Variants in KIAA0586 observed in about 807,000 individuals in gnomAD.
KIAA0586 encodes protein TALPID3.
A neutral mutation model predicts 169.8 loss-of-function variants in KIAA0586; 144 were observed. The ratio of observed to expected loss-of-function variants is 0.85; its 90% CI spans 0.74 to 0.97. KIAA0586 has a LOEUF of 0.97. Ranked by LOEUF, KIAA0586 falls within the 50% of genes least tolerant of loss-of-function variation. KIAA0586 has a pLI of 0.00. For missense variants in KIAA0586, 1,854 were observed against 1,823.0 expected, an observed-to-expected ratio of 1.02 and a Z score of -0.31; for synonymous variants, 625 against 612.4, an observed-to-expected ratio of 1.02 and a Z score of -0.30.
At chr14:58,555,120 T>TTTTTG (rs2047235329), downstream of KIAA0586, among the ~76,000 whole-genome samples, 2 of 139,422 alleles carry the variant, frequency 1.4e-5, no homozygotes, top group Admixed American at 7.1e-5. Flanking sequence ...TTTTTTTTTT[T>TTTTTG]GAGACAGTCT....
chr14:58,483,114 G>A (rs771484201), intron 21 of KIAA0586, among the ~76,000 whole-genome samples: 12 of 151,990 alleles, frequency 7.9e-5, no homozygotes, highest in Admixed American at 3.3e-4. Context: ...TTGCATACTC[G>A]ACTCTCACAG....
Position 58,484,574 on chromosome 14 carries a change from C to G in KIAA0586, c.3144+1862C>G, listed in dbSNP as rs374769881. Among the ~76,000 whole-genome samples, 4 of 151,652 alleles carry G rather than the reference C, an allele frequency of 2.6e-5. 1 individual carries two copies. On this transcript the variant is annotated intron_variant, in intron 21 of 30. Transcript: ENST00000652326. The stretch of plus-strand genomic sequence containing the variant: ...TCATTTTTATTATCCATTACCAATA[C>G]TAGAAGAATACCTTCAGATCCTTTC...
intron 27 of KIAA0586, among the ~76,000 whole-genome samples, chr14:58,502,051 A>G (rs928997201): frequency 1.3e-5 from 2 of 152,212 alleles, no homozygotes; most frequent in African/African-American, 4.8e-5. Flanking sequence ...CACCATGTTA[A>G]CCAGTCCATA....
rs2040283109 is a variant in KIAA0586 at position 58,461,084 on chromosome 14, A to G, written c.1983A>G (p.Lys661=). 3 of 1,612,276 alleles carry G rather than the reference A, an allele frequency of 1.9e-6. No individual in the cohort carries two copies. Among genetic ancestry groups the G allele is most frequent in the South Asian group, 1.1e-5 (1 of 90,772 alleles). The stretch of plus-strand genomic sequence containing the variant: ...AGGGCCATCGAAGCACTCTTAAAAA[A>G]GGACCATATCTCAGATTTAATTCTC... ...VYQGHRSTLK[K]GPYLRFNSPS... The change falls in exon 14 of 31, where the codon AAA becomes AAG. Residue 661 remains lysine (K), a synonymous_variant. Coordinates refer to ENST00000652326, the MANE Select transcript of KIAA0586 (RefSeq NM_001329943.3).
At chr14:58,511,405 A>T (rs1595438514) in intron 28 of KIAA0586, among the ~76,000 whole-genome samples, 1 of 152,302 alleles carries the variant, frequency 6.6e-6, no homozygotes, top group East Asian at 1.9e-4. Context: ...CCATTTCATG[A>T]ATGAGGAAAT....
At chr14:58,528,756 A>G (rs1271669280) in intron 29 of KIAA0586, among the ~76,000 whole-genome samples, 1 of 152,260 alleles carries the variant, frequency 6.6e-6, no homozygotes, top group Non-Finnish European at 1.5e-5. Flanking sequence ...AAAGCAGGAA[A>G]GATCTAAAAT....
chr14:58,445,152 T>C (rs985390585), intron 6 of KIAA0586, among the ~76,000 whole-genome samples: 5 of 150,978 alleles, frequency 3.3e-5, no homozygotes, highest in South Asian at 2.1e-4. Context: ...CACACACATA[T>C]ACACATACAC....
downstream of KIAA0586, among the ~76,000 whole-genome samples, chr14:58,553,099 C>T (rs186652755): frequency 4.9e-4 from 75 of 152,198 alleles, no homozygotes; most frequent in East Asian, 8.7e-3. Flanking sequence ...CACGGACACT[C>T]GAGGTAATTT....
rs1376152168 is a variant in KIAA0586 at position 58,487,147 on chromosome 14, A to G, written c.3285A>G (p.Lys1095=). The G allele has an allele frequency of 1.9e-6, 3 of 1,611,200 alleles. No individual in the cohort carries two copies. The South Asian group carries it at 3.3e-5, about 18-fold the overall frequency. ...ATCATGATATGGCTTTTCCTGTGAA[A>G]GAAATATGTGCTGAAAAAGGTAGAA... ...DSDHDMAFPV[K]EICAEKGDDM... is the part of the protein sequence containing the mutation. The change falls in exon 22 of 31, where the codon AAA becomes AAG. Residue 1095 remains lysine, a synonymous_variant. Coordinates refer to ENST00000652326, the MANE Select transcript of KIAA0586 (RefSeq NM_001329943.3).
At chr14:58,486,900 G>A (rs932762944) in intron 21 of KIAA0586, 107 bp from the exon 22 acceptor site, 12 of 824,668 alleles carry the variant, frequency 1.5e-5, no homozygotes, top group Non-Finnish European at 1.9e-5. Flanking sequence ...ACTTAACCCT[G>A]CCATCAATTT....
chr14:58,520,595 C>T (rs1340305113), intron 29 of KIAA0586, among the ~76,000 whole-genome samples: 4 of 152,092 alleles, frequency 2.6e-5, no homozygotes, highest in Non-Finnish European at 5.9e-5. Flanking sequence ...GATCATGGCT[C>T]ACTGCAGCCT....
At chr14:58,431,384 TC>T (rs1206517552) in intron 3 of KIAA0586, among the ~76,000 whole-genome samples, 3 of 152,046 alleles carry the variant, frequency 2.0e-5, no homozygotes, top group African/African-American at 7.2e-5. Flanking sequence ...TGCCTCAGCC[TC>T]CTGAGTAGCT....
intron 29 of KIAA0586, among the ~76,000 whole-genome samples, chr14:58,514,023 C>CT (rs772812757): frequency 3.2e-4 from 49 of 152,062 alleles, no homozygotes; most frequent in Non-Finnish European, 5.6e-4. Flanking sequence ...GAGAGCAGAC[C>CT]TATACCAGCC....
intron 27 of KIAA0586, among the ~76,000 whole-genome samples, 193 bp downstream of exon 27, chr14:58,499,153 A>G (rs1408164789): frequency 1.3e-5 from 2 of 152,218 alleles, no homozygotes; most frequent in African/African-American, 4.8e-5. Flanking sequence ...TTCATATATC[A>G]GTGTTGGTAC....
chr14:58,539,084 T>C (rs2046480093), intron 29 of KIAA0586, among the ~76,000 whole-genome samples: 1 of 152,174 alleles, frequency 6.6e-6, no homozygotes, highest in Non-Finnish European at 1.5e-5. Flanking sequence ...CCAGACTGTT[T>C]TTATTTTTTA....
chr14:58,443,004 G>A (rs1402994235), intron 5 of KIAA0586, 124 bp downstream of exon 5: 10 of 700,148 alleles, frequency 1.4e-5, no homozygotes, highest in Non-Finnish European at 2.1e-5. Flanking sequence ...CTCTCAATTT[G>A]AAAGAATTTT....
intron 25 of KIAA0586, 90 bp downstream of exon 25, chr14:58,490,330 T>C: frequency 1.6e-6 from 1 of 635,278 alleles, no homozygotes; most frequent in South Asian, 2.7e-5. Context: ...TCTCAATTTT[T>C]TGAGTTATAG....
chr14:58,430,803 CAGTA>C, intron 3 of KIAA0586, 86 bp downstream of exon 3: 1 of 697,634 alleles, frequency 1.4e-6, no homozygotes, highest in Non-Finnish European at 2.4e-6. Context: ...AGTTCTGTGA[CAGTA>C]AGTACATTCA....
chr14:58,472,163 A>T, intron 17 of KIAA0586, 36 bp from the exon 18 acceptor site: 2 of 1,124,022 alleles, frequency 1.8e-6, no homozygotes, highest in South Asian at 1.5e-5. Flanking sequence ...TAAAAGTGTT[A>T]AGCACAACAA....
Sources: gnomAD v4.1 joint callset for allele counts (sites outside exome capture counted in the v4.1 genomes callset) on GRCh38, gnomAD v4.1.1 for gene constraint, MANE v1.5 for transcripts, NCBI Gene and HGNC (gene_info 2026-07-23, HGNC 2026-07-21) for gene names.